The following ZNF548 variants were observed in gnomAD, a reference collection of about 807,000 sequenced individuals.
ZNF548 encodes the protein zinc finger protein 548.
ZNF548 carries 10 observed loss-of-function variants against 10.2 expected under a neutral mutation model. That is an observed-to-expected ratio of 0.98 (90% CI 0.60 to 1.66). The LOEUF is 1.66. ZNF548 is among the 40% of genes most tolerant of loss of function. ZNF548 has a pLI of 0.00. For missense variants in ZNF548, 599 were observed against 657.0 expected (o/e 0.91, Z 0.97); for synonymous variants, 217 against 223.5 (o/e 0.97, Z 0.26).
In ZNF548 at chr19:57,399,067, ATCCTT is replaced by A. The variant is rs775563713; in HGVS notation, c.818_822del (p.Ser273TyrfsTer10). ...CTTATGAGTGCAGAGAATGTGGAAAATCCTTTATGTACAACTACCGACTCATGAGA... is the reference window on the plus strand; with the variant it reads ...CTTATGAGTGCAGAGAATGTGGAAAATATGTACAACTACCGACTCATGAGA... On this transcript the variant is annotated frameshift_variant, in exon 4 of 4. Coordinates refer to ENST00000336128, the MANE Select transcript of ZNF548 (RefSeq NM_001172773.2). LOFTEE classifies it low-confidence loss of function (END_TRUNC). This position sits in a 1 kb window ranked among gnomAD's most constrained non-coding sequence, Gnocchi z 4.0. The A allele has an allele frequency of 6.2e-7, 1 of 1,614,132 alleles. No homozygotes were observed. Among genetic ancestry groups the A allele is most frequent in the African/African-American group, 1.3e-5 (1 of 74,948 alleles).
rs2088703002 is a variant in ZNF548, at chr19:57,400,076, A to G, written c.*187A>G. The G allele has an allele frequency of 1.3e-5, 7 of 540,594 alleles. No individual in the cohort carries two copies. Among genetic ancestry groups the G allele is most frequent in the East Asian group, 2.9e-5 (1 of 34,888 alleles). 33.5% of individuals were successfully genotyped at this position (540,594 alleles called of 1,614,324 possible). ...TCTATGGTACTTATATGAGGTACCA[A>G]TAGATATCTATGAATTTGATATATA... On this transcript the variant is annotated 3_prime_UTR_variant, in exon 4 of 4. Coordinates refer to ENST00000336128, the MANE Select transcript of ZNF548 (RefSeq NM_001172773.2).
intron 1 of ZNF548, chr19:57,390,751 C>G (rs928043929): frequency 2.6e-5 from 4 of 152,178 alleles, no homozygotes; most frequent in African/African-American, 9.7e-5. Context: ...GCATAAAGAG[C>G]AGATTTCCGG....
Position 57,401,981 on chromosome 19 carries a change from C to G in ZNF548, c.*2092C>G, listed in dbSNP as rs2088721041. On this transcript the variant is annotated 3_prime_UTR_variant, in exon 4 of 4. Coordinates refer to ENST00000336128, the MANE Select transcript of ZNF548 (RefSeq NM_001172773.2). ...CTTAAACTTCTGGCCTTAAGTGATCCCCCTGCCTCGGCCTCCCAAATTGCT... is the reference window on the plus strand; with the variant it reads ...CTTAAACTTCTGGCCTTAAGTGATCGCCCTGCCTCGGCCTCCCAAATTGCT... The G allele has an allele frequency of 6.6e-6, 1 of 152,166 alleles. No individual in the cohort carries two copies. The highest frequency in any genetic ancestry group is 2.4e-5 in the African/African-American group (1 of 41,428). The allele number at this position is 152,166 out of a possible 1,614,324, so 9.4% of individuals were successfully genotyped here. A position where few individuals can be genotyped will look rare whatever the true frequency, so the allele number is the denominator to read the frequency against.
chr19:57,397,279 T>C (rs931029013), intron 3 of ZNF548, 105 bp downstream of exon 3: 11 of 1,419,610 alleles, frequency 7.7e-6, no homozygotes, highest in Admixed American at 2.5e-5. Flanking sequence ...GTGCTGCTTC[T>C]TTTCCCTGTT....
At chr19:57,396,760 G>A in intron 2 of ZNF548, 2 of 372,902 alleles carry the variant, frequency 5.4e-6, no homozygotes, top group Non-Finnish European at 9.6e-6. Context: ...AAGCAATGCA[G>A]GGCTGGGCGT....
Position 57,399,474 on chromosome 19 carries a change from G to T in ZNF548, c.1223G>T (p.Ser408Ile), listed in dbSNP as rs1471961929. The change falls in exon 4 of 4, where the codon AGT (serine) becomes ATT (isoleucine). Residue 408 changes from serine to isoleucine, a missense_variant. Ser to Ile is a moderately radical substitution (Grantham distance 142). Transcript: ENST00000336128. This position sits in a 1 kb window ranked among gnomAD's most constrained non-coding sequence, Gnocchi z 4.0. ...ACTGGAGAAAGGCCTTATAAATGCA[G>T]TGAATGTGGGAAATCATTTAGGTAC... Reference protein sequence around the residue: ...NHTGERPYKCSECGKSFRYHC... With the variant: ...NHTGERPYKCIECGKSFRYHC... 1 of 1,613,926 alleles carries T rather than the reference G, an allele frequency of 6.2e-7. No homozygotes were observed. The highest frequency in any genetic ancestry group is 1.3e-5 in the African/African-American group (1 of 74,866).
chr19:57,398,013 G>A (rs2088679373), intron 3 of ZNF548, among the ~76,000 whole-genome samples: 2 of 152,166 alleles, frequency 1.3e-5, no homozygotes, highest in Non-Finnish European at 2.9e-5. Flanking sequence ...TTGAATGCCT[G>A]CCAACACGTG....
Position 57,401,307 on chromosome 19 carries a change from C to A in ZNF548, c.*1418C>A, listed in dbSNP as rs1357979584. ...TCCATGGATTGCAGTGATCATTAAT[C>A]AAAAATATTTGGAAAACAAAAAGGG... On this transcript the variant is annotated 3_prime_UTR_variant, in exon 4 of 4. Coordinates refer to ENST00000336128, the MANE Select transcript of ZNF548 (RefSeq NM_001172773.2). 1 of 151,992 alleles carries A rather than the reference C, an allele frequency of 6.6e-6. No homozygotes were observed. Among genetic ancestry groups the A allele is most frequent in the African/African-American group, 2.4e-5 (1 of 41,384 alleles). 9.4% of individuals were successfully genotyped at this position (151,992 alleles called of 1,614,324 possible).
chr19:57,397,415 T>G (rs558137913), intron 3 of ZNF548: 1 of 516,180 alleles, frequency 1.9e-6, no homozygotes, highest in Admixed American at 3.8e-5. Flanking sequence ...AATGTTGAAT[T>G]TGGCATAGAG....
In ZNF548 at chr19:57,400,438, T is replaced by G. The variant is rs552371858; in HGVS notation, c.*549T>G. ...TCATATAGGATTTCTATTTTTTTTT[T>G]TTGTTTGTTTTTGAGACAGAGTCTT... On this transcript the variant is annotated 3_prime_UTR_variant, in exon 4 of 4. Coordinates refer to ENST00000336128, the MANE Select transcript of ZNF548 (RefSeq NM_001172773.2). 53 of 152,688 alleles carry G rather than the reference T, an allele frequency of 3.5e-4. No homozygotes were observed. The highest frequency in any genetic ancestry group is 1.3e-3 in the East Asian group (7 of 5,190). 9.5% of individuals were successfully genotyped at this position (152,688 alleles called of 1,614,324 possible).
intron 1 of ZNF548, chr19:57,393,033 T>C: frequency 1.1e-6 from 1 of 948,596 alleles, no homozygotes; most frequent in Non-Finnish European, 1.3e-6. Context: ...TCAGGGCCAC[T>C]CTCTGTTGAA....
chr19:57,402,402 G>C lies in ZNF548; in HGVS notation c.*2513G>C, dbSNP rs895439050. On this transcript the variant is annotated 3_prime_UTR_variant, in exon 4 of 4. Transcript: ENST00000336128. ...ATCCATGGGGAACATGGAAAACGTA[G>C]CTAATGCAATCCGCTTGCCTTACCT... 6.6e-6 allele frequency: 1 copy of C among 152,190 alleles called. No homozygotes were observed. The highest frequency in any genetic ancestry group is 1.5e-5 in the Non-Finnish European group (1 of 68,044). 9.4% of individuals were successfully genotyped at this position (152,190 alleles called of 1,614,324 possible). A position where few individuals can be genotyped will look rare whatever the true frequency, so the allele number is the denominator to read the frequency against.
intron 3 of ZNF548, chr19:57,397,469 AAC>A (rs1345206189): frequency 4.8e-6 from 2 of 416,720 alleles, no homozygotes; most frequent in African/African-American, 4.1e-5. Context: ...ACTCTGTCCA[AAC>A]ACATGAGACC....
rs1032835673 is a variant in ZNF548, at chr19:57,401,245, G to C, written c.*1356G>C. 1 of 152,094 alleles carries C rather than the reference G, an allele frequency of 6.6e-6. No homozygotes were observed. Among genetic ancestry groups the C allele is most frequent in the Non-Finnish European group, 1.5e-5 (1 of 68,022 alleles). The allele number at this position is 152,094 out of a possible 1,614,324, so 9.4% of individuals were successfully genotyped here. On this transcript the variant is annotated 3_prime_UTR_variant, in exon 4 of 4. Transcript: ENST00000336128. ...TTCTGTCTGTGGGTTCTGTATTCAT[G>C]GATCGAAGCAACCATGGATCAAAAG...
intron 1 of ZNF548, chr19:57,390,430 G>A: frequency 3.1e-6 from 1 of 324,416 alleles, no homozygotes. Flanking sequence ...GTCAAGGGAG[G>A]GACAGTTGGA....
intron 3 of ZNF548, 146 bp downstream of exon 3, chr19:57,397,320 TG>T: frequency 1.6e-6 from 2 of 1,274,824 alleles, no homozygotes; most frequent in Non-Finnish European, 2.1e-6. Context: ...GAGGCAGGGC[TG>T]GGCCGTGTGT....
intron 2 of ZNF548, among the ~76,000 whole-genome samples, chr19:57,394,500 A>G (rs751410108): frequency 4.6e-5 from 7 of 152,180 alleles, no homozygotes; most frequent in Non-Finnish European, 1.0e-4. Flanking sequence ...GGAACTGCAA[A>G]TGTCTGTTAC....
Position 57,399,104 on chromosome 19 carries a change from C to T in ZNF548, c.853C>T (p.Arg285Ter), listed in dbSNP as rs780195801. The T allele has an allele frequency of 5.6e-6, 9 of 1,613,926 alleles. No individual in the cohort carries two copies. Among genetic ancestry groups the T allele is most frequent in the South Asian group, 2.2e-5 (2 of 91,078 alleles). ...CAACTACCGACTCATGAGACATAAGCGAGTTCACACTGGAGAAAGGCCTTA... is the reference window on the plus strand; with the variant it reads ...CAACTACCGACTCATGAGACATAAGTGAGTTCACACTGGAGAAAGGCCTTA... ...MYNYRLMRHK[R>*]VHTGERPYEC... The change falls in exon 4 of 4, where the codon CGA becomes TGA. Residue 285 changes from arginine to a stop codon, truncating the protein, a stop_gained. Coordinates refer to ENST00000336128, the MANE Select transcript of ZNF548 (RefSeq NM_001172773.2). LOFTEE classifies it low-confidence loss of function (END_TRUNC). The surrounding 1 kb of genome is among the most constrained non-coding windows in gnomAD (Gnocchi z 4.0).
intron 2 of ZNF548, among the ~76,000 whole-genome samples, chr19:57,396,283 T>A (rs542209444): frequency 6.6e-6 from 1 of 152,312 alleles, no homozygotes; most frequent in Non-Finnish European, 1.5e-5. Context: ...TCTGGGTGAC[T>A]CCATGGCAAC....
Sources: gnomAD v4.1 joint callset for allele counts (sites outside exome capture counted in the v4.1 genomes callset) on GRCh38, gnomAD v4.1.1 for gene constraint, Gnocchi (gnomAD v3.1) non-coding constraint, MANE v1.5 for transcripts, NCBI Gene and HGNC (gene_info 2026-07-23, HGNC 2026-07-21) for gene names.